Variants in CNTN1 observed in about 807,000 individuals in gnomAD.
CNTN1 encodes contactin-1.
A neutral mutation model predicts 126.4 loss-of-function variants in CNTN1; 38 were observed. That is an observed-to-expected ratio of 0.30 (90% CI 0.23 to 0.39). The LOEUF (loss-of-function observed/expected upper bound fraction) is 0.39. Ranked by LOEUF, CNTN1 falls within the 10% of genes least tolerant of loss-of-function variation. The pLI is 1.00. For missense variants in CNTN1, 1,009 were observed against 1,248.4 expected, an observed-to-expected ratio of 0.81 and a Z score of 2.89; for synonymous variants, 413 against 422.6, an observed-to-expected ratio of 0.98 and a Z score of 0.28.
intron 23 of CNTN1, among the ~76,000 whole-genome samples, chr12:41,056,941 T>TATAAA (rs770369203): frequency 5.3e-4 from 36 of 67,888 alleles, no homozygotes; most frequent in East Asian, 1.9e-3. Context: ...TTATAAATAT[T>TATAAA]TATAATATTT....
chr12:40,799,570 A>G (rs1037028178), intron 1 of CNTN1, among the ~76,000 whole-genome samples: 1 of 151,998 alleles, frequency 6.6e-6, no homozygotes, highest in Non-Finnish European at 1.5e-5. Context: ...TTTCTGAATC[A>G]TTGAGACCTG....
At chr12:41,044,111 G>C (rs1454511172) in intron 23 of CNTN1, among the ~76,000 whole-genome samples, 1 of 150,854 alleles carries the variant, frequency 6.6e-6, no homozygotes, top group Non-Finnish European at 1.5e-5. Flanking sequence ...TAACTAACCT[G>C]CACATTGTGC....
chr12:40,977,469 C>A (rs1947707638), intron 15 of CNTN1, among the ~76,000 whole-genome samples: 1 of 152,070 alleles, frequency 6.6e-6, no homozygotes, highest in South Asian at 2.1e-4. Flanking sequence ...ACTGCCCTTG[C>A]CAAGAAAAGG....
intron 1 of CNTN1, among the ~76,000 whole-genome samples, chr12:40,862,087 C>A (rs1307585957): frequency 2.0e-5 from 3 of 151,778 alleles, no homozygotes; most frequent in African/African-American, 7.3e-5. Context: ...TGGGCTGCAC[C>A]TAGCTTCTCA....
At chr12:40,750,879 A>G (rs1297853313) in intron 1 of CNTN1, among the ~76,000 whole-genome samples, 1 of 152,076 alleles carries the variant, frequency 6.6e-6, no homozygotes, top group African/African-American at 2.4e-5. Flanking sequence ...AGATTTGGGT[A>G]TTTATGGCAC....
intron 1 of CNTN1, among the ~76,000 whole-genome samples, chr12:40,836,735 C>G (rs1942074590): frequency 6.6e-6 from 1 of 152,242 alleles, no homozygotes; most frequent in African/African-American, 2.4e-5. Context: ...ATGGTGTTGA[C>G]TGTAAACTTC....
intron 1 of CNTN1, among the ~76,000 whole-genome samples, chr12:40,734,428 T>C (rs1291329483): frequency 6.6e-6 from 1 of 152,060 alleles, no homozygotes; most frequent in Non-Finnish European, 1.5e-5. Flanking sequence ...ACATAAAAGT[T>C]ACTGAGCAAG....
At chr12:40,823,284 T>C (rs1158031797) in intron 1 of CNTN1, among the ~76,000 whole-genome samples, 3 of 152,204 alleles carry the variant, frequency 2.0e-5, no homozygotes, top group Non-Finnish European at 4.4e-5. Flanking sequence ...AAAAACATTC[T>C]GTTATGTCTG....
chr12:40,853,359 G>A (rs564135024), intron 1 of CNTN1, among the ~76,000 whole-genome samples: 37 of 152,256 alleles, frequency 2.4e-4, no homozygotes, highest in African/African-American at 8.7e-4. Context: ...TCCATTATTA[G>A]TGGATTAACT....
At chr12:40,998,950 C>G (rs1185611234) in intron 17 of CNTN1, among the ~76,000 whole-genome samples, 1 of 152,062 alleles carries the variant, frequency 6.6e-6, no homozygotes, top group African/African-American at 2.4e-5. Flanking sequence ...TGTTTTCAAT[C>G]AAGAGCTTAT....
chr12:40,722,434 C>T (rs1428611775), intron 1 of CNTN1, among the ~76,000 whole-genome samples: 1 of 152,124 alleles, frequency 6.6e-6, no homozygotes, highest in Admixed American at 6.5e-5. Context: ...AGGTCCAAAA[C>T]ATATCTGGCC....
intron 23 of CNTN1, among the ~76,000 whole-genome samples, chr12:41,041,312 C>G (rs1368348383): frequency 2.0e-5 from 3 of 151,986 alleles, no homozygotes; most frequent in Admixed American, 2.0e-4. Flanking sequence ...CTGGATTTGA[C>G]TTGCCAGTAT....
At chr12:41,019,323 G>T (rs893004673) in intron 19 of CNTN1, among the ~76,000 whole-genome samples, 1 of 152,078 alleles carries the variant, frequency 6.6e-6, no homozygotes, top group Non-Finnish European at 1.5e-5. Flanking sequence ...CAGGCAAATA[G>T]CTTGTCATCT....
intron 1 of CNTN1, among the ~76,000 whole-genome samples, chr12:40,767,410 C>G (rs542821956): frequency 1.3e-3 from 176 of 133,702 alleles, no homozygotes; most frequent in African/African-American, 4.0e-3. Flanking sequence ...CCGGGTTCAC[C>G]CCATTCTCCT....
intron 1 of CNTN1, among the ~76,000 whole-genome samples, chr12:40,823,290 G>A (rs896788669): frequency 6.6e-6 from 1 of 152,162 alleles, no homozygotes; most frequent in Non-Finnish European, 1.5e-5. Flanking sequence ...ATTCTGTTAT[G>A]TCTGTGGTTC....
At chr12:41,003,656 A>G (rs1441387864) in intron 17 of CNTN1, among the ~76,000 whole-genome samples, 2 of 151,740 alleles carry the variant, frequency 1.3e-5, no homozygotes, top group Non-Finnish European at 2.9e-5. Flanking sequence ...CAGGGATTCA[A>G]TTTCTTCCTT....
intron 1 of CNTN1, among the ~76,000 whole-genome samples, chr12:40,725,058 C>T (rs2121233556): frequency 6.6e-6 from 1 of 152,284 alleles, no homozygotes; most frequent in South Asian, 2.1e-4. Context: ...TTTGCTTCTT[C>T]CTAAGTCTCA....
chr12:40,871,836 A>AG (rs1333907934), intron 1 of CNTN1, among the ~76,000 whole-genome samples: 1 of 152,148 alleles, frequency 6.6e-6, no homozygotes, highest in East Asian at 1.9e-4. Context: ...GTAGTTTGAC[A>AG]GAAAAAATGC....
At chr12:40,851,230 G>A (rs2136616934) in intron 1 of CNTN1, among the ~76,000 whole-genome samples, 1 of 152,300 alleles carries the variant, frequency 6.6e-6, no homozygotes, top group Non-Finnish European at 1.5e-5. Context: ...AGTAAAATTA[G>A]AGCTTAGAAA....
Sources: gnomAD v4.1 joint callset for allele counts (sites outside exome capture counted in the v4.1 genomes callset) on GRCh38, gnomAD v4.1.1 for gene constraint, MANE v1.5 for transcripts, NCBI Gene and HGNC (gene_info 2026-07-23, HGNC 2026-07-21) for gene names.